The following HCK variants were observed in gnomAD, a reference collection of about 807,000 sequenced individuals.
The protein encoded by HCK is HCK proto-oncogene, Src family tyrosine kinase.
In HCK, 40 loss-of-function variants were observed where a neutral mutation model predicts 70.4. That is an observed-to-expected ratio of 0.57 (90% confidence interval 0.44 to 0.74). The LOEUF is 0.74. HCK is among the 30% of genes least tolerant of loss of function. The pLI, the probability that HCK is intolerant of heterozygous loss-of-function variation, is 0.00. For synonymous variants in HCK, 245 were observed against 263.2 expected, an observed-to-expected ratio of 0.93 and a Z score of 0.67; for missense variants, 568 against 697.2, an observed-to-expected ratio of 0.81 and a Z score of 2.09.
In HCK at chr20:32,089,098, C is replaced by T. The variant is rs890239889; in HGVS notation, c.1092+454C>T. 4.6e-5 allele frequency among the ~76,000 whole-genome samples: 7 copies of T among 152,344 alleles called. No homozygotes were observed. In the East Asian group the frequency reaches 9.7e-4, roughly 21 times the overall value. ...CAATCACCCAGCCTGAGCTTCTTCA[C>T]GGCGCAGCAGCTGGGTTCCAAGACA... On this transcript the variant is annotated intron_variant, in intron 10 of 12. Coordinates refer to ENST00000375852, the MANE Select transcript of HCK (RefSeq NM_002110.5).
At chr20:32,062,463 T>C (rs2045393956) in intron 1 of HCK, among the ~76,000 whole-genome samples, 1 of 152,138 alleles carries the variant, frequency 6.6e-6, no homozygotes, top group Non-Finnish European at 1.5e-5. Context: ...TTATATGTGG[T>C]TGAATAAGTG....
At chr20:32,071,819 C>T (rs770450499) in intron 2 of HCK, 37 bp downstream of exon 2, 3 of 1,604,436 alleles carry the variant, frequency 1.9e-6, no homozygotes, top group East Asian at 4.5e-5. Context: ...TGGGGGCTGA[C>T]GGATGCTGCC....
intron 10 of HCK, among the ~76,000 whole-genome samples, chr20:32,091,532 T>C (rs891398876): frequency 6.6e-6 from 1 of 152,180 alleles, no homozygotes; most frequent in African/African-American, 2.4e-5. Context: ...CATCATAACT[T>C]TTGTTAACTG....
intron 11 of HCK, among the ~76,000 whole-genome samples, chr20:32,094,702 A>AG (rs1256822580): frequency 1.1e-4 from 8 of 72,682 alleles, no homozygotes; most frequent in African/African-American, 4.8e-4. Flanking sequence ...AAGAAAAGAA[A>AG]AGAAAAGAAA....
At chr20:32,099,969 A>G (rs1182789984) in intron 12 of HCK, among the ~76,000 whole-genome samples, 2 of 150,898 alleles carry the variant, frequency 1.3e-5, no homozygotes, top group African/African-American at 4.9e-5. Context: ...GTGTAATCAT[A>G]GCTCATGGCA....
intron 1 of HCK, among the ~76,000 whole-genome samples, chr20:32,071,019 A>G (rs2045530012): frequency 6.6e-6 from 1 of 151,976 alleles, no homozygotes; most frequent in Non-Finnish European, 1.5e-5. Flanking sequence ...TAAGCAATTT[A>G]TAAATTGATA....
intron 6 of HCK, among the ~76,000 whole-genome samples, chr20:32,083,288 A>G (rs1295624639): frequency 6.6e-6 from 1 of 152,196 alleles, no homozygotes; most frequent in Non-Finnish European, 1.5e-5. Flanking sequence ...AGTACCTTTT[A>G]CCATGTAAGG....
Position 32,052,387 on chromosome 20 carries a change from C to A in HCK, c.-38C>A, listed in dbSNP as rs574057204. 6.3e-6 allele frequency: 8 copies of A among 1,279,518 alleles called. No individual in the cohort carries two copies. The East Asian group carries it at 2.5e-4, about 40-fold the overall frequency. 79.3% of individuals were successfully genotyped at this position (1,279,518 alleles called of 1,614,324 possible). A position where few individuals can be genotyped will look rare whatever the true frequency, so the allele number is the denominator to read the frequency against. On this transcript the variant is annotated 5_prime_UTR_variant, in exon 1 of 13. Transcript: ENST00000375852. ...GCCTCTAGTTCTAGAAAGTCAGTTT[C>A]CCGGCACTGGCACCCCGGAACCTCA...
intron 11 of HCK, among the ~76,000 whole-genome samples, chr20:32,095,003 A>G (rs1390112985): frequency 6.6e-6 from 1 of 152,210 alleles, no homozygotes; most frequent in Admixed American, 6.5e-5. Flanking sequence ...CAAAACATGT[A>G]ATTGGACATT....
Position 32,071,361 on chromosome 20 carries a change from T to G in HCK, c.63-301T>G, listed in dbSNP as rs575599129. 1.2e-4 allele frequency among the ~76,000 whole-genome samples: 18 copies of G among 152,336 alleles called. No individual in the cohort carries two copies. In the South Asian group the frequency reaches 3.3e-3, roughly 28 times the overall value. ...AGCTCTACCTGTTACATTTCTGTTA[T>G]CCTCATGCCATCCTCTGAATAAACA... On this transcript the variant is annotated intron_variant, in intron 1 of 12. Coordinates refer to ENST00000375852, the MANE Select transcript of HCK (RefSeq NM_002110.5).
chr20:32,058,547 G>C (rs1472073226), intron 1 of HCK, among the ~76,000 whole-genome samples: 1 of 149,864 alleles, frequency 6.7e-6, no homozygotes, highest in African/African-American at 2.5e-5. Context: ...AAAAAAAAGG[G>C]GGAGAACTGA....
rs2045183791 is a variant in HCK, at chr20:32,052,342, C to A, written c.-83C>A. 4.0e-6 allele frequency: 4 copies of A among 1,003,748 alleles called. No homozygotes were observed. The allele number at this position is 1,003,748 out of a possible 1,614,324, so 62.2% of individuals were successfully genotyped here. Reference sequence around the variant, plus strand: ...ACGAGAAACGCCCGCGGCACCAAAGCCCCTCAGAGCGTCGCCCCCGCCTCT... The same window carrying A: ...ACGAGAAACGCCCGCGGCACCAAAGACCCTCAGAGCGTCGCCCCCGCCTCT... On this transcript the variant is annotated 5_prime_UTR_variant, in exon 1 of 13. Transcript: ENST00000375852.
intron 7 of HCK, 54 bp from the exon 8 acceptor site, chr20:32,084,336 AC>A: frequency 6.5e-7 from 1 of 1,548,430 alleles, no homozygotes; most frequent in Non-Finnish European, 8.7e-7. Flanking sequence ...CCAAGGAGCA[AC>A]CTCTGGCTGG....
intron 1 of HCK, among the ~76,000 whole-genome samples, chr20:32,068,798 G>A (rs953214070): frequency 5.3e-5 from 8 of 151,676 alleles, no homozygotes; most frequent in South Asian, 2.1e-4. Flanking sequence ...TAAAAGATTA[G>A]CCAGGCATGG....
chr20:32,064,035 T>G (rs6089159), intron 1 of HCK, among the ~76,000 whole-genome samples: 24,574 of 125,012 alleles, frequency 0.2, 4,837 homozygotes, highest in African/African-American at 0.51. Flanking sequence ...ATAGAGTCTC[T>G]CTCTGTCACC....
intron 1 of HCK, among the ~76,000 whole-genome samples, chr20:32,070,672 C>T (rs746088932): frequency 6.6e-6 from 1 of 152,114 alleles, no homozygotes; most frequent in Non-Finnish European, 1.5e-5. Context: ...TTCATTAACT[C>T]AATTTGCCCT....
chr20:32,101,668 T>C lies in HCK; in HGVS notation c.*149T>C, dbSNP rs935371245. 5.1e-6 allele frequency: 3 copies of C among 588,012 alleles called. No individual in the cohort carries two copies. Among genetic ancestry groups the C allele is most frequent in the African/African-American group, 1.9e-5 (1 of 53,694 alleles). The allele number at this position is 588,012 out of a possible 1,614,324, so 36.4% of individuals were successfully genotyped here. On this transcript the variant is annotated 3_prime_UTR_variant, in exon 13 of 13. Transcript: ENST00000375852. ...TTTCCTCATCTGTCCAGTGGGTAGG[T>C]TGGACTGGAAAATCTCTTTTTGACT...
intron 6 of HCK, among the ~76,000 whole-genome samples, chr20:32,081,990 C>T (rs1232879536): frequency 6.6e-6 from 1 of 152,184 alleles, no homozygotes; most frequent in Non-Finnish European, 1.5e-5. Flanking sequence ...CTTCCTGGAT[C>T]CTGCCACACC....
chr20:32,093,960 T>C lies in HCK; in HGVS notation c.1190T>C (p.Ile397Thr), dbSNP rs1331568521. Residue 397 changes from isoleucine to threonine, a missense_variant, in exon 11 of 13, where the codon ATT becomes ACT. Physicochemically the swap from Ile to Thr is moderately conservative, Grantham distance 89. Transcript: ENST00000375852. ...GTCTCTGCATCCCTGGTGTGTAAGA[T>C]TGCTGACTTTGGCCTGGCCCGGGTC... is the stretch of plus-strand genomic sequence containing the variant. 6.2e-7 allele frequency: 1 copy of C among 1,613,194 alleles called. No individual in the cohort carries two copies.
Sources: allele counts gnomAD v4.1 joint callset (sites outside exome capture counted in the v4.1 genomes callset), GRCh38; gene constraint gnomAD v4.1.1; transcripts MANE v1.5; gene names NCBI Gene and HGNC (gene_info 2026-07-23, HGNC 2026-07-21).